PHF24: variants seen among roughly 807,000 people sequenced by gnomAD.
PHF24 encodes the protein Galpha inhibitory interacting protein.
A neutral mutation model predicts 42.6 loss-of-function variants in PHF24; 25 were observed. The observed-to-expected ratio is 0.59, with a 90% CI of 0.43 to 0.82. PHF24 has a LOEUF of 0.82. PHF24 is among the 40% of genes least tolerant of loss of function. PHF24 has a pLI of 0.00. For missense variants in PHF24, 470 were observed against 538.1 expected (o/e 0.87, Z 1.25); for synonymous variants, 185 against 204.8 (o/e 0.90, Z 0.83).
the PHF24 span, among the ~76,000 whole-genome samples, chr9:34,679,534 G>A: frequency 6.6e-6 from 1 of 152,188 alleles, no homozygotes; most frequent in African/African-American, 2.4e-5. Flanking sequence ...GGCCAACATG[G>A]TGAAACCCTG....
the PHF24 span, among the ~76,000 whole-genome samples, chr9:34,843,704 C>T: frequency 6.6e-6 from 1 of 152,108 alleles, no homozygotes. Flanking sequence ...TTTATTATTT[C>T]ACCATGCTTG....
the PHF24 span, among the ~76,000 whole-genome samples, chr9:34,688,121 C>T: frequency 1.3e-5 from 2 of 152,174 alleles, no homozygotes; most frequent in Non-Finnish European, 2.9e-5. Flanking sequence ...GTCATGCTCT[C>T]AGTGAGGAGG....
At chr9:34,945,263 T>C in the PHF24 span, among the ~76,000 whole-genome samples, 11 of 152,248 alleles carry the variant, frequency 7.2e-5, no homozygotes, top group Admixed American at 2.0e-4. Flanking sequence ...CTCCATCTTA[T>C]ACCTATTTTC....
the PHF24 span, among the ~76,000 whole-genome samples, chr9:34,684,188 C>G: frequency 1.3e-5 from 2 of 152,138 alleles, no homozygotes; most frequent in African/African-American, 4.8e-5. Context: ...TCATGAAGAC[C>G]AAGACCATAT....
the PHF24 span, among the ~76,000 whole-genome samples, chr9:34,718,285 C>T: frequency 3.3e-5 from 5 of 152,140 alleles, no homozygotes; most frequent in Admixed American, 2.6e-4. Context: ...GCAGCACTCA[C>T]CCCTCCTTCT....
chr9:34,910,545 A>G, the PHF24 span, among the ~76,000 whole-genome samples: 1 of 152,228 alleles, frequency 6.6e-6, no homozygotes, highest in African/African-American at 2.4e-5. Context: ...TTTCAAAACA[A>G]CATACATGAT....
At chr9:34,698,238 G>T in the PHF24 span, among the ~76,000 whole-genome samples, 2 of 152,008 alleles carry the variant, frequency 1.3e-5, no homozygotes, top group Non-Finnish European at 2.9e-5. Context: ...GGGGCTGGGG[G>T]ATCCTGGATC....
exon 8 of PHF24, chr9:34,978,170 C>T: frequency 1.5e-6 from 2 of 1,335,888 alleles, no homozygotes; most frequent in Non-Finnish European, 2.2e-6. Flanking sequence ...TTTCCTTTCT[C>T]CCTTCCCCCA....
the PHF24 span, among the ~76,000 whole-genome samples, chr9:34,904,537 C>G: frequency 6.6e-6 from 1 of 151,798 alleles, no homozygotes; most frequent in African/African-American, 2.4e-5. Flanking sequence ...TATTGACTTG[C>G]ATATGTTAAA....
chr9:34,860,203 A>G, the PHF24 span, among the ~76,000 whole-genome samples: 3 of 152,204 alleles, frequency 2.0e-5, no homozygotes, highest in African/African-American at 7.2e-5. Context: ...TTTCTCAGTG[A>G]TCACTGTCAT....
the PHF24 span, among the ~76,000 whole-genome samples, chr9:34,777,771 C>T: frequency 6.6e-6 from 1 of 152,222 alleles, no homozygotes; most frequent in African/African-American, 2.4e-5. Flanking sequence ...TGCTGAGCTC[C>T]AGGACAGTGT....
the PHF24 span, chr9:34,723,498 C>G: frequency 3.2e-6 from 5 of 1,551,708 alleles, no homozygotes; most frequent in East Asian, 4.9e-5. Flanking sequence ...GCAACATTTT[C>G]TTTTCTGGTT....
chr9:34,930,214 T>C, the PHF24 span, among the ~76,000 whole-genome samples: 1 of 152,196 alleles, frequency 6.6e-6, no homozygotes, highest in African/African-American at 2.4e-5. Context: ...TCAGTGTACT[T>C]AAGTGGTGCC....
chr9:34,928,910 T>G, the PHF24 span, among the ~76,000 whole-genome samples: 3 of 152,224 alleles, frequency 2.0e-5, no homozygotes, highest in Non-Finnish European at 2.9e-5. Context: ...TCCCTTGGTC[T>G]TGCAGTCCTC....
chr9:34,801,552 C>G, the PHF24 span, among the ~76,000 whole-genome samples: 1 of 151,970 alleles, frequency 6.6e-6, no homozygotes, highest in African/African-American at 2.4e-5. Flanking sequence ...ATGGTGAAAC[C>G]CTGTCTCTAC....
At chr9:34,819,819 G>C in the PHF24 span, among the ~76,000 whole-genome samples, 1 of 152,058 alleles carries the variant, frequency 6.6e-6, no homozygotes, top group African/African-American at 2.4e-5. Context: ...ATGTCAAGTT[G>C]CTTCCAAGTA....
At chr9:34,684,216 G>GT in the PHF24 span, among the ~76,000 whole-genome samples, 3 of 152,264 alleles carry the variant, frequency 2.0e-5, no homozygotes, top group South Asian at 6.2e-4. Flanking sequence ...GTTCACTATC[G>GT]TATCACCAGC....
chr9:34,925,365 T>G, the PHF24 span, among the ~76,000 whole-genome samples: 1 of 152,216 alleles, frequency 6.6e-6, no homozygotes, highest in South Asian at 2.1e-4. Context: ...TGCAATTCTT[T>G]GAGCTTCCTG....
chr9:34,775,664 T>A, the PHF24 span, among the ~76,000 whole-genome samples: 4 of 152,308 alleles, frequency 2.6e-5, no homozygotes, highest in South Asian at 2.1e-4. Context: ...AAATCTATTT[T>A]AAAAAAATTA....
Sources: allele counts gnomAD v4.1 joint callset (sites outside exome capture counted in the v4.1 genomes callset), GRCh38; gene constraint gnomAD v4.1.1; transcripts MANE v1.5; gene names NCBI Gene and HGNC (gene_info 2026-07-23, HGNC 2026-07-21).